CFAP96: variants seen among roughly 807,000 people sequenced by gnomAD.
CFAP96 encodes cilia and flagella associated protein 96, also known as cilia-and flagella-associated protein 96.
At chr4:185,439,517 A>G in the CFAP96 span, among the ~76,000 whole-genome samples, 1 of 152,154 alleles carries the variant, frequency 6.6e-6, no homozygotes, top group East Asian at 1.9e-4. Context: ...GAATGATGAA[A>G]TATCAGATTT....
chr4:185,444,589 A>C, the CFAP96 span, among the ~76,000 whole-genome samples: 2 of 149,610 alleles, frequency 1.3e-5, no homozygotes, highest in African/African-American at 4.9e-5. Flanking sequence ...TAGTAAACTC[A>C]TGTTGTGCCA....
At chr4:185,411,952 C>A in the CFAP96 span, among the ~76,000 whole-genome samples, 3 of 152,152 alleles carry the variant, frequency 2.0e-5, no homozygotes, top group East Asian at 5.8e-4. Context: ...GTAACATATA[C>A]GCTGAAACTA....
chr4:185,448,794 G>A, the CFAP96 span, among the ~76,000 whole-genome samples: 1 of 152,164 alleles, frequency 6.6e-6, no homozygotes, highest in South Asian at 2.1e-4. Context: ...GAAGGGGGCA[G>A]TATTTCAGGT....
chr4:185,441,227 A>G, the CFAP96 span, among the ~76,000 whole-genome samples: 1 of 152,214 alleles, frequency 6.6e-6, no homozygotes, highest in Non-Finnish European at 1.5e-5. Flanking sequence ...AAAATTAACT[A>G]TCTTCCTACT....
the CFAP96 span, among the ~76,000 whole-genome samples, chr4:185,447,250 C>T: frequency 2.0e-5 from 3 of 151,634 alleles, no homozygotes; most frequent in South Asian, 2.1e-4. Context: ...GGCACGATCT[C>T]GGCTCACTGC....
chr4:185,422,458 TA>T, the CFAP96 span: 1 of 1,559,966 alleles, frequency 6.4e-7, no homozygotes, highest in Admixed American at 1.9e-5. Flanking sequence ...AATTTTCTAA[TA>T]AAAAAGAATT....
chr4:185,433,990 G>T, the CFAP96 span, among the ~76,000 whole-genome samples: 1 of 152,162 alleles, frequency 6.6e-6, no homozygotes, highest in Non-Finnish European at 1.5e-5. Flanking sequence ...AGGCTGAGGC[G>T]GATGTATTGC....
chr4:185,433,638 A>G, the CFAP96 span, among the ~76,000 whole-genome samples: 1 of 152,164 alleles, frequency 6.6e-6, no homozygotes, highest in Admixed American at 6.5e-5. Context: ...ACGGTGGCTC[A>G]CACCTGTAAT....
chr4:185,447,186 CTT>C, the CFAP96 span, among the ~76,000 whole-genome samples: 82 of 139,592 alleles, frequency 5.9e-4, no homozygotes, highest in South Asian at 2.7e-3. Flanking sequence ...TATATTTTTT[CTT>C]TTTTTTTTTT....
chr4:185,411,395 CCTAA>C, the CFAP96 span, among the ~76,000 whole-genome samples: 3 of 151,878 alleles, frequency 2.0e-5, no homozygotes, highest in Admixed American at 6.6e-5. Context: ...GGAACATTAA[CCTAA>C]CTAATTTAGT....
the CFAP96 span, chr4:185,429,623 T>A: frequency 1.5e-6 from 1 of 657,034 alleles, no homozygotes; most frequent in Non-Finnish European, 2.5e-6. Flanking sequence ...TTAAAGCATT[T>A]AGTTCTAAAG....
At chr4:185,425,899 A>T in the CFAP96 span, 1 of 1,592,638 alleles carries the variant, frequency 6.3e-7, no homozygotes. Context: ...ACGGGCGCTG[A>T]CGCCTGCCCA....
chr4:185,444,892 A>C, the CFAP96 span: 2 of 1,384,826 alleles, frequency 1.4e-6, no homozygotes, highest in Non-Finnish European at 2.0e-6. Flanking sequence ...AATATGTATG[A>C]ACTTCTTCAC....
the CFAP96 span, among the ~76,000 whole-genome samples, chr4:185,441,176 A>G: frequency 1.3e-5 from 2 of 152,182 alleles, no homozygotes; most frequent in Non-Finnish European, 2.9e-5. Flanking sequence ...TCTTAAAACC[A>G]TAAAAAGCCA....
the CFAP96 span, chr4:185,429,619 C>A: frequency 1.5e-6 from 1 of 659,476 alleles, no homozygotes; most frequent in Non-Finnish European, 2.5e-6. Context: ...TATTTTAAAG[C>A]ATTTAGTTCT....
chr4:185,445,446 G>T, the CFAP96 span: 1 of 1,225,778 alleles, frequency 8.2e-7, no homozygotes, highest in Non-Finnish European at 1.2e-6. Flanking sequence ...TCAGTTAGCA[G>T]TACAATTAAC....
At chr4:185,422,942 T>G in the CFAP96 span, among the ~76,000 whole-genome samples, 1 of 152,176 alleles carries the variant, frequency 6.6e-6, no homozygotes, top group Admixed American at 6.5e-5. Flanking sequence ...CACTGCAACC[T>G]CCGCCTCCTG....
chr4:185,447,572 G>T, the CFAP96 span, among the ~76,000 whole-genome samples: 1 of 152,294 alleles, frequency 6.6e-6, no homozygotes, highest in African/African-American at 2.4e-5. Context: ...TTGAGCACTT[G>T]TATGTGTCAC....
the CFAP96 span, chr4:185,436,118 A>C: frequency 1.3e-6 from 2 of 1,551,498 alleles, no homozygotes; most frequent in Non-Finnish European, 1.7e-6. Context: ...CAAAACCTCG[A>C]GAAAAATACA....
Sources: allele counts gnomAD v4.1 joint callset (sites outside exome capture counted in the v4.1 genomes callset), GRCh38; gene constraint gnomAD v4.1.1; transcripts MANE v1.5; gene names NCBI Gene and HGNC (gene_info 2026-07-23, HGNC 2026-07-21).